The following NUP153 variants were observed in gnomAD, a reference collection of about 807,000 sequenced individuals.
NUP153 encodes the protein nucleoporin 153.
NUP153 carries 27 observed loss-of-function variants against 134.6 expected under a neutral mutation model. That is an observed-to-expected ratio of 0.20 (90% CI 0.15 to 0.28). NUP153 has a LOEUF of 0.28. Ranked by LOEUF, NUP153 falls within the 10% of genes least tolerant of loss-of-function variation. The probability of loss-of-function intolerance (pLI) is 1.00; values close to 1 mark genes in which losing one functional copy is unlikely to be tolerated. For synonymous variants in NUP153, 640 were observed against 623.5 expected, an observed-to-expected ratio of 1.03 and a Z score of -0.40; for missense variants, 1,821 against 1,731.3, an observed-to-expected ratio of 1.05 and a Z score of -0.92.
chr6:17,647,855 T>A lies in NUP153; in HGVS notation c.1584A>T (p.Ser528=). 6.2e-7 allele frequency: 1 copy of A among 1,613,728 alleles called. No individual in the cohort carries two copies. Among genetic ancestry groups the A allele is most frequent in the Non-Finnish European group, 8.5e-7 (1 of 1,179,670 alleles). Residue 528 remains serine, a synonymous_variant, in exon 13 of 22, where the codon TCA becomes TCT. Coordinates refer to ENST00000262077, the MANE Select transcript of NUP153 (RefSeq NM_005124.4). The part of the protein sequence containing the change: ...SSTGSPMFKF[S]SPIVKSTEAN... Reference sequence around the variant, plus strand: ...CCTCAGTAGATTTTACGATTGGAGATGAAAATTTAAACATGGGACTGCCAG... The same window carrying A: ...CCTCAGTAGATTTTACGATTGGAGAAGAAAATTTAAACATGGGACTGCCAG...
At chr6:17,648,331 T>A (rs1341952717) in intron 12 of NUP153, among the ~76,000 whole-genome samples, 1 of 152,104 alleles carries the variant, frequency 6.6e-6, no homozygotes, top group Admixed American at 6.6e-5. Flanking sequence ...TAAAAATATT[T>A]TTTGGCCAGG....
At chr6:17,616,837 C>A (rs1400242948) in intron 20 of NUP153, 142 bp from the exon 21 acceptor site, 1 of 711,460 alleles carries the variant, frequency 1.4e-6, no homozygotes, top group South Asian at 1.9e-5. Context: ...GCAACCCTTG[C>A]CTCCTGGGTT....
At chr6:17,702,672 G>A (rs1051528519) in intron 1 of NUP153, among the ~76,000 whole-genome samples, 4 of 151,468 alleles carry the variant, frequency 2.6e-5, no homozygotes, top group African/African-American at 7.3e-5. Flanking sequence ...GCAAAACTCC[G>A]TCTCAAAAAA....
chr6:17,687,552 T>A (rs1156304195), intron 2 of NUP153, among the ~76,000 whole-genome samples: 2 of 152,208 alleles, frequency 1.3e-5, no homozygotes, highest in African/African-American at 4.8e-5. Context: ...TTGCCATTTC[T>A]CTAAAATAAA....
At chr6:17,653,807 G>C (rs75863477) in intron 11 of NUP153, among the ~76,000 whole-genome samples, 1 of 151,972 alleles carries the variant, frequency 6.6e-6, no homozygotes, top group Non-Finnish European at 1.5e-5. Context: ...CTCTTGATAG[G>C]GCTTGCATTA....
At chr6:17,654,436 C>T (rs1056939922) in intron 11 of NUP153, among the ~76,000 whole-genome samples, 4 of 152,086 alleles carry the variant, frequency 2.6e-5, no homozygotes, top group Non-Finnish European at 5.9e-5. Flanking sequence ...ATTCTCCTGC[C>T]TCAGCCTCCC....
At position 17,706,418 on chromosome 6, in the gene NUP153, G is replaced by A. The variant is rs762577185; in HGVS notation, c.-31C>T. ...AGCCTCCGCCGCTTCCCGCTCCGGGGCGGGTAAGGGGGCGGGAGAGGCAGA... is the reference window on the plus strand; with the variant it reads ...AGCCTCCGCCGCTTCCCGCTCCGGGACGGGTAAGGGGGCGGGAGAGGCAGA... On this transcript the variant is annotated 5_prime_UTR_variant, in exon 1 of 22. Coordinates refer to ENST00000262077, the MANE Select transcript of NUP153 (RefSeq NM_005124.4). The surrounding 1 kb of genome is among the most constrained non-coding windows in gnomAD (Gnocchi z 5.9). 3.2e-6 allele frequency: 5 copies of A among 1,565,666 alleles called. No individual in the cohort carries two copies. In the South Asian group the frequency reaches 4.4e-5, roughly 14 times the overall value.
chr6:17,636,145 C>T (rs910930115), intron 16 of NUP153, among the ~76,000 whole-genome samples: 1 of 152,112 alleles, frequency 6.6e-6, no homozygotes, highest in African/African-American at 2.4e-5. Context: ...ACCAGCCTGG[C>T]CAACATGGCG....
chr6:17,677,411 G>A (rs971644843), intron 2 of NUP153, among the ~76,000 whole-genome samples: 3 of 152,140 alleles, frequency 2.0e-5, no homozygotes, highest in South Asian at 2.1e-4. Context: ...ATCCATGCAC[G>A]GGGGTAGGGG....
chr6:17,692,928 T>C (rs1769372166), intron 1 of NUP153, among the ~76,000 whole-genome samples: 2 of 152,156 alleles, frequency 1.3e-5, no homozygotes, highest in Admixed American at 6.5e-5. Flanking sequence ...TCTTCAGTTA[T>C]CTAGAAAAAA....
chr6:17,703,080 C>T (rs930343829), intron 1 of NUP153, among the ~76,000 whole-genome samples: 1 of 137,174 alleles, frequency 7.3e-6, no homozygotes, highest in Non-Finnish European at 1.6e-5. Flanking sequence ...TGCCTGTAAT[C>T]CCAACTACTT....
At chr6:17,646,181 C>G (rs374767863) in intron 13 of NUP153, 27 bp from the exon 14 acceptor site, 2 of 1,251,292 alleles carry the variant, frequency 1.6e-6, no homozygotes, top group Non-Finnish European at 2.3e-6. Context: ...TATCCTTATA[C>G]TTCGTTTTCA....
intron 20 of NUP153, chr6:17,619,496 G>A (rs1448228611): frequency 6.6e-6 from 1 of 152,178 alleles, no homozygotes; most frequent in Non-Finnish European, 1.5e-5. Context: ...CTGGTAGGAG[G>A]AACAGGTTAA....
At chr6:17,616,277 T>TA in intron 21 of NUP153, 96 bp from the exon 22 acceptor site, 3 of 313,340 alleles carry the variant, frequency 9.6e-6, no homozygotes, top group South Asian at 4.4e-5. Context: ...GTAAGGGGGG[T>TA]CGGGTGGGGG....
At chr6:17,686,348 T>C (rs572761888) in intron 2 of NUP153, among the ~76,000 whole-genome samples, 6 of 152,184 alleles carry the variant, frequency 3.9e-5, no homozygotes, top group African/African-American at 1.4e-4. Context: ...TGACTTTATG[T>C]AGGGCTAGGT....
At chr6:17,668,830 G>T in intron 8 of NUP153, 145 bp downstream of exon 8, 1 of 551,980 alleles carries the variant, frequency 1.8e-6, no homozygotes, top group Non-Finnish European at 3.1e-6. Context: ...ATGACAGAGC[G>T]AGACTGAGAC....
At chr6:17,659,556 T>C (rs1385556998) in intron 11 of NUP153, among the ~76,000 whole-genome samples, 1 of 152,216 alleles carries the variant, frequency 6.6e-6, no homozygotes, top group African/African-American at 2.4e-5. Context: ...CACTGCAACC[T>C]CCACCTCCAG....
In NUP153 at chr6:17,625,980, A is replaced by G. The variant is rs1263761754; in HGVS notation, c.3729T>C (p.Thr1243=). 6.2e-7 allele frequency: 1 copy of G among 1,614,230 alleles called. No individual in the cohort carries two copies. Among genetic ancestry groups the G allele is most frequent in the Admixed American group, 1.7e-5 (1 of 60,030 alleles). The stretch of plus-strand genomic sequence containing the variant: ...AAGACTGAGAGGTGCTGGATTCAGC[A>G]GTGTTACCAAAGGCAGAGCTGCTCA... ...NPVSSSAFGN[T]AESSTSQSLL... The change falls in exon 19 of 22, where the codon ACT becomes ACC. Residue 1243 remains threonine (T), a synonymous_variant. Transcript: ENST00000262077. The surrounding 1 kb of genome is among the most constrained non-coding windows in gnomAD (Gnocchi z 4.7).
rs1325032538 is a variant in NUP153, at chr6:17,625,548, A to G, written c.3901+260T>C. Among the ~76,000 whole-genome samples, 1 of 152,172 alleles carries G rather than the reference A, an allele frequency of 6.6e-6. No homozygotes were observed. Among genetic ancestry groups the G allele is most frequent in the African/African-American group, 2.4e-5 (1 of 41,438 alleles). On this transcript the variant is annotated intron_variant, in intron 19 of 21. Transcript: ENST00000262077. This position sits in a 1 kb window ranked among gnomAD's most constrained non-coding sequence, Gnocchi z 4.7. ...CCGTCTCGAAAGAAAACAAAAACAA[A>G]AAACAAAGCTTAGAAAAATTAAGTA...
Sources: gnomAD v4.1 joint callset for allele counts (sites outside exome capture counted in the v4.1 genomes callset) on GRCh38, gnomAD v4.1.1 for gene constraint, Gnocchi (gnomAD v3.1) non-coding constraint, MANE v1.5 for transcripts, NCBI Gene and HGNC (gene_info 2026-07-23, HGNC 2026-07-21) for gene names.